Variants in CAMKMT observed in about 807,000 individuals in gnomAD.
CAMKMT encodes CaM KMT.
A neutral mutation model predicts 48.0 loss-of-function variants in CAMKMT; 53 were observed. That is an observed-to-expected ratio of 1.10 (90% CI 0.89 to 1.39). CAMKMT has a LOEUF of 1.39. Ranked by LOEUF, CAMKMT falls within the 40% of genes most tolerant of loss-of-function variation. The pLI, the probability that CAMKMT is intolerant of heterozygous loss-of-function variation, is 0.00. For missense variants in CAMKMT, 428 were observed against 402.7 expected (o/e 1.06, Z -0.54); for synonymous variants, 165 against 152.3 (o/e 1.08, Z -0.61).
intron 2 of CAMKMT, among the ~76,000 whole-genome samples, chr2:44,386,657 A>G (rs1680808546): frequency 6.6e-6 from 1 of 152,118 alleles, no homozygotes; most frequent in Non-Finnish European, 1.5e-5. Flanking sequence ...ATTTAGGGCT[A>G]TGAACTTTCC....
intron 3 of CAMKMT, among the ~76,000 whole-genome samples, chr2:44,622,609 C>T (rs1245678755): frequency 2.0e-5 from 3 of 152,198 alleles, no homozygotes; most frequent in Admixed American, 1.3e-4. Flanking sequence ...TTGTCTGTTC[C>T]TGCATTAATT....
At chr2:44,574,246 G>A (rs1014777377) in intron 3 of CAMKMT, among the ~76,000 whole-genome samples, 2 of 152,230 alleles carry the variant, frequency 1.3e-5, no homozygotes, top group African/African-American at 4.8e-5. Context: ...CAGAACCAGG[G>A]AGCATGGCCC....
intron 3 of CAMKMT, among the ~76,000 whole-genome samples, chr2:44,415,088 A>G (rs2104490701): frequency 6.6e-6 from 1 of 152,264 alleles, no homozygotes. Flanking sequence ...GAGGCAGAGA[A>G]TGCAGTGAGC....
At chr2:44,465,881 G>A (rs1009044266) in intron 3 of CAMKMT, among the ~76,000 whole-genome samples, 1 of 152,116 alleles carries the variant, frequency 6.6e-6, no homozygotes, top group Admixed American at 6.6e-5. Flanking sequence ...GGAAAAAGGA[G>A]GTTAGCCCTA....
chr2:44,732,761 T>C lies in CAMKMT; in HGVS notation c.624-10861T>C, dbSNP rs146317525. ...AATGCTTTGCTCATTTTTTAAAAAA[T>C]TGGGTTGCTTGTTTTTCTTATCATT... On this transcript the variant is annotated intron_variant, in intron 7 of 10. Transcript: ENST00000378494. 5.1e-3 allele frequency among the ~76,000 whole-genome samples: 778 copies of C among 152,286 alleles called. 10 individuals are homozygous for C. The highest frequency in any genetic ancestry group is 0.018 in the African/African-American group (742 of 41,556).
intron 3 of CAMKMT, among the ~76,000 whole-genome samples, chr2:44,454,122 A>G (rs1230122169): frequency 6.6e-6 from 1 of 152,160 alleles, no homozygotes; most frequent in African/African-American, 2.4e-5. Flanking sequence ...TTCGTCTGCA[A>G]TTCTTAAATA....
At chr2:44,476,268 GA>G (rs536264818) in intron 3 of CAMKMT, among the ~76,000 whole-genome samples, 18 of 147,260 alleles carry the variant, frequency 1.2e-4, no homozygotes, top group African/African-American at 1.7e-4. Context: ...CATGTGGTTG[GA>G]AAAAAAAAAG....
At chr2:44,563,999 G>C (rs1014161084) in intron 3 of CAMKMT, among the ~76,000 whole-genome samples, 23 of 152,222 alleles carry the variant, frequency 1.5e-4, no homozygotes, top group African/African-American at 5.5e-4. Context: ...CCAGTAATGG[G>C]ATGGCTGGGT....
intron 3 of CAMKMT, among the ~76,000 whole-genome samples, chr2:44,686,310 G>A (rs1349173940): frequency 1.3e-5 from 2 of 151,226 alleles, no homozygotes; most frequent in African/African-American, 2.4e-5. Context: ...GGAGAATGGC[G>A]TGAACCTGGG....
intron 5 of CAMKMT, among the ~76,000 whole-genome samples, chr2:44,706,613 A>ATT (rs35364346): frequency 1.5e-5 from 2 of 136,254 alleles, no homozygotes; most frequent in Admixed American, 7.3e-5. Context: ...TAGCGAAAGC[A>ATT]TTTTTTTTTT....
chr2:44,464,388 G>A (rs1213124941), intron 3 of CAMKMT, among the ~76,000 whole-genome samples: 1 of 152,226 alleles, frequency 6.6e-6, no homozygotes, highest in East Asian at 1.9e-4. Flanking sequence ...GGGAGTTCTA[G>A]AAGGAGAAGA....
chr2:44,701,961 T>G (rs1283091853), intron 3 of CAMKMT, among the ~76,000 whole-genome samples: 1 of 152,090 alleles, frequency 6.6e-6, no homozygotes, highest in Non-Finnish European at 1.5e-5. Flanking sequence ...TGGTCACATT[T>G]TACGTGATTT....
rs148582277 is a variant in CAMKMT at position 44,712,566 on chromosome 2, C to T, written c.557-2721C>T. Among the ~76,000 whole-genome samples, 46 of 152,132 alleles carry T rather than the reference C, an allele frequency of 3.0e-4. No homozygotes were observed. In the East Asian group the frequency reaches 7.7e-3, roughly 26 times the overall value. ...AGAAGAAAACCTAGAGTTAGAATTC[C>T]GGTTTCTTTTTAGCCACAAACATAT... On this transcript the variant is annotated intron_variant, in intron 6 of 10. Coordinates refer to ENST00000378494, the MANE Select transcript of CAMKMT (RefSeq NM_024766.5).
At chr2:44,418,898 G>A (rs1683745398) in intron 3 of CAMKMT, among the ~76,000 whole-genome samples, 1 of 151,510 alleles carries the variant, frequency 6.6e-6, no homozygotes, top group Non-Finnish European at 1.5e-5. Flanking sequence ...TCTTTATGTA[G>A]GTATTCCTTA....
chr2:44,504,054 G>T (rs557252682), intron 3 of CAMKMT, among the ~76,000 whole-genome samples: 114 of 151,776 alleles, frequency 7.5e-4, no homozygotes, highest in African/African-American at 2.7e-3. Flanking sequence ...TTTTGTAAGG[G>T]CCCAGATGCT....
intron 3 of CAMKMT, among the ~76,000 whole-genome samples, chr2:44,601,184 T>TG (rs1670966211): frequency 6.6e-6 from 1 of 152,078 alleles, no homozygotes; most frequent in Non-Finnish European, 1.5e-5. Flanking sequence ...AAAAGTCATA[T>TG]GGTGGCTCAC....
chr2:44,721,147 T>C (rs1558817438), intron 7 of CAMKMT, among the ~76,000 whole-genome samples: 1 of 152,160 alleles, frequency 6.6e-6, no homozygotes, highest in Non-Finnish European at 1.5e-5. Flanking sequence ...TTCTCTCTTG[T>C]ATAATTTTAT....
At chr2:44,384,215 C>T (rs1359110915) in intron 2 of CAMKMT, among the ~76,000 whole-genome samples, 1 of 152,114 alleles carries the variant, frequency 6.6e-6, no homozygotes, top group Admixed American at 6.5e-5. Flanking sequence ...TTGCTTTTCC[C>T]TGATCACTAG....
At position 44,372,763 on chromosome 2, in the gene CAMKMT, A is replaced by G; in HGVS notation, c.186A>G (p.Val62=). The G allele has an allele frequency of 6.2e-7, 1 of 1,613,698 alleles. No homozygotes were observed. The highest frequency in any genetic ancestry group is 8.5e-7 in the Non-Finnish European group (1 of 1,179,876). The change falls in exon 2 of 11, where the codon GTA becomes GTG. Residue 62 remains valine, a synonymous_variant. Transcript: ENST00000378494. ...ATGATTGCCTGCGACATGTATCTGT[A>G]AGAAGATTTGAATCATTTAATCTGT... The part of the protein sequence containing the change: ...HLDDCLRHVS[V]RRFESFNLFS...
Sources: allele counts gnomAD v4.1 joint callset (sites outside exome capture counted in the v4.1 genomes callset), GRCh38; gene constraint gnomAD v4.1.1; transcripts MANE v1.5; gene names NCBI Gene and HGNC (gene_info 2026-07-23, HGNC 2026-07-21).